NDUFS4: variants seen among roughly 807,000 people sequenced by gnomAD.
NDUFS4 encodes NADH dehydrogenase [ubiquinone] iron-sulfur protein 4, mitochondrial.
NDUFS4 carries 28 observed loss-of-function variants against 24.3 expected under a neutral mutation model. The observed-to-expected ratio is 1.15, with a 90% CI of 0.85 to 1.58. The LOEUF (loss-of-function observed/expected upper bound fraction) is 1.58. NDUFS4 is among the 40% of genes most tolerant of loss of function. The pLI, the probability that NDUFS4 is intolerant of heterozygous loss-of-function variation, is 0.00. For synonymous variants in NDUFS4, 93 were observed against 69.7 expected (o/e 1.34, Z -1.67); for missense variants, 223 against 207.9 (o/e 1.07, Z -0.45).
At chr5:53,666,939 ATAAT>A (rs1462096981) in intron 4 of NDUFS4, among the ~76,000 whole-genome samples, 2 of 151,984 alleles carry the variant, frequency 1.3e-5, no homozygotes, top group African/African-American at 4.8e-5. Flanking sequence ...GTCTCAAAAA[ATAAT>A]AAATAAATAA....
intron 3 of NDUFS4, 143 bp downstream of exon 3, chr5:53,646,548 A>C: frequency 1.2e-6 from 1 of 800,272 alleles, no homozygotes; most frequent in South Asian, 1.5e-5. Context: ...CTGTGCTCAA[A>C]GATACACATT....
rs374180161 is a variant in NDUFS4, at chr5:53,603,484, A to G, written c.131A>G (p.Gln44Arg). 4.8e-5 allele frequency: 78 copies of G among 1,613,890 alleles called. No homozygotes were observed. The highest frequency in any genetic ancestry group is 6.4e-5 in the Non-Finnish European group (75 of 1,179,944). The stretch of plus-strand genomic sequence containing the variant: ...AGGACTTCCACATGGAGATTGGCAC[A>G]GGACCAGACTCAAGACACACAACTC... ...SLRTSTWRLA[Q>R]DQTQDTQLIT... Residue 44 changes from glutamine to arginine, a missense_variant, in exon 2 of 5, where the codon CAG becomes CGG. Coordinates refer to ENST00000296684, the MANE Select transcript of NDUFS4 (RefSeq NM_002495.4).
intron 4 of NDUFS4, among the ~76,000 whole-genome samples, chr5:53,670,764 TACC>T (rs1752643973): frequency 6.6e-6 from 1 of 151,514 alleles, no homozygotes; most frequent in Non-Finnish European, 1.5e-5. Flanking sequence ...CAGGTACTCT[TACC>T]TAGAATGAAT....
intron 1 of NDUFS4, among the ~76,000 whole-genome samples, chr5:53,574,160 A>G (rs1238946229): frequency 6.6e-6 from 1 of 152,154 alleles, no homozygotes; most frequent in East Asian, 1.9e-4. Context: ...CTTTTCATTT[A>G]CCAATCTTAA....
intron 4 of NDUFS4, among the ~76,000 whole-genome samples, chr5:53,670,309 T>C (rs1227590785): frequency 1.1e-5 from 1 of 90,346 alleles, no homozygotes; most frequent in Non-Finnish European, 2.5e-5. Flanking sequence ...AATAATAATC[T>C]AGATCTACAC....
intron 4 of NDUFS4, among the ~76,000 whole-genome samples, chr5:53,659,539 CT>C (rs1200618985): frequency 3.3e-5 from 5 of 152,096 alleles, no homozygotes; most frequent in African/African-American, 1.2e-4. Context: ...ACTATTAGTT[CT>C]GACCTTCACC....
intron 2 of NDUFS4, among the ~76,000 whole-genome samples, chr5:53,619,831 C>T (rs1213511792): frequency 6.6e-6 from 1 of 151,980 alleles, no homozygotes; most frequent in Non-Finnish European, 1.5e-5. Context: ...AATGTATAAT[C>T]TTTCATTGTA....
At chr5:53,613,969 TG>T (rs751334723) in intron 2 of NDUFS4, among the ~76,000 whole-genome samples, 4 of 152,040 alleles carry the variant, frequency 2.6e-5, no homozygotes, top group Non-Finnish European at 5.9e-5. Context: ...TTTACATGTT[TG>T]GAAGATTATT....
chr5:53,683,146 G>T lies in NDUFS4; in HGVS notation c.453G>T (p.Lys151Asn). Residue 151 changes from lysine to asparagine, a missense_variant, in exon 5 of 5, where the codon AAG (lysine) becomes AAT (asparagine). Coordinates refer to ENST00000296684, the MANE Select transcript of NDUFS4 (RefSeq NM_002495.4). ...GGAGCTATGACATTGAAGAGAGGAA[G>T]GTTCCAAAACCCAAGTCCAAGTCTT... ...NGWSYDIEER[K>N]VPKPKSKSYG... 6.2e-7 allele frequency: 1 copy of T among 1,610,440 alleles called. No homozygotes were observed. Among genetic ancestry groups the T allele is most frequent in the Non-Finnish European group, 8.5e-7 (1 of 1,177,026 alleles).
intron 2 of NDUFS4, among the ~76,000 whole-genome samples, chr5:53,615,351 A>G (rs1750810252): frequency 6.6e-6 from 1 of 151,934 alleles, no homozygotes; most frequent in African/African-American, 2.4e-5. Context: ...TGACAATTAT[A>G]TTTTCTTTTT....
rs144126700 is a variant in NDUFS4, at chr5:53,571,209, C to T, written c.98+10449C>T. Among the ~76,000 whole-genome samples the T allele has an allele frequency of 4.3e-3, 662 of 152,284 alleles. 5 individuals are homozygous for T. Among genetic ancestry groups the T allele is most frequent in the African/African-American group, 0.015 (614 of 41,538 alleles). ...TGTACCCATTAGCAGTCGCTTCTCC[C>T]CCAGTCCTAGATAACGACTAACCTT... On this transcript the variant is annotated intron_variant, in intron 1 of 4. Coordinates refer to ENST00000296684, the MANE Select transcript of NDUFS4 (RefSeq NM_002495.4).
chr5:53,641,674 A>G (rs1751707919), intron 2 of NDUFS4, among the ~76,000 whole-genome samples: 4 of 152,180 alleles, frequency 2.6e-5, no homozygotes, highest in African/African-American at 9.6e-5. Flanking sequence ...AAGTAAATAG[A>G]TATGATAATG....
intron 2 of NDUFS4, among the ~76,000 whole-genome samples, chr5:53,613,715 T>A (rs952491532): frequency 3.3e-5 from 5 of 151,928 alleles, no homozygotes; most frequent in African/African-American, 4.8e-5. Context: ...TACTGTTGCT[T>A]AAAATTCTAA....
chr5:53,597,984 T>C (rs1750180082), intron 1 of NDUFS4, among the ~76,000 whole-genome samples: 1 of 152,186 alleles, frequency 6.6e-6, no homozygotes, highest in Non-Finnish European at 1.5e-5. Flanking sequence ...TACAGATGAC[T>C]AATAATCATA....
intron 1 of NDUFS4, among the ~76,000 whole-genome samples, chr5:53,592,696 A>G (rs563998380): frequency 2.6e-5 from 4 of 152,318 alleles, no homozygotes; most frequent in East Asian, 1.9e-4. Flanking sequence ...TCAGTTGACT[A>G]TATTTGAATA....
Position 53,653,160 on chromosome 5 carries a change from G to T in NDUFS4, c.351-5391G>T, listed in dbSNP as rs73754282. Among the ~76,000 whole-genome samples the T allele has an allele frequency of 8.7e-3, 1,313 of 151,708 alleles. 16 individuals are homozygous for T. Among genetic ancestry groups the T allele is most frequent in the African/African-American group, 0.026 (1,092 of 41,364 alleles). On this transcript the variant is annotated intron_variant, in intron 3 of 4. Coordinates refer to ENST00000296684, the MANE Select transcript of NDUFS4 (RefSeq NM_002495.4). ...GACTTCTGTGTTAAATTTTAAAAATGTTTTTTTTGTTAGAAAATTATGAAT... is the reference window on the plus strand; with the variant it reads ...GACTTCTGTGTTAAATTTTAAAAATTTTTTTTTTGTTAGAAAATTATGAAT...
At chr5:53,565,571 C>G (rs1163807859) in intron 1 of NDUFS4, among the ~76,000 whole-genome samples, 1 of 152,196 alleles carries the variant, frequency 6.6e-6, no homozygotes, top group Admixed American at 6.5e-5. Flanking sequence ...CGCAGTGTTT[C>G]TTTTAATACC....
chr5:53,616,337 T>C (rs377457367), intron 2 of NDUFS4, among the ~76,000 whole-genome samples: 32 of 152,244 alleles, frequency 2.1e-4, no homozygotes, highest in African/African-American at 7.7e-4. Context: ...TCATAAATAA[T>C]TATGGTATTT....
Position 53,647,237 on chromosome 5 carries a change from T to A in NDUFS4, c.350+832T>A, listed in dbSNP as rs2636991. Among the ~76,000 whole-genome samples, 10 of 151,834 alleles carry A rather than the reference T, an allele frequency of 6.6e-5. No homozygotes were observed. In the South Asian group the frequency reaches 1.3e-3, roughly 19 times the overall value. On this transcript the variant is annotated intron_variant, in intron 3 of 4. Coordinates refer to ENST00000296684, the MANE Select transcript of NDUFS4 (RefSeq NM_002495.4). ...TTATTTATTATTTTCTTTAGAGATG[T>A]GGTCTTGCCCCCTTGCCCAGGCTGG... is the stretch of plus-strand genomic sequence containing the variant.
Sources: allele counts gnomAD v4.1 joint callset (sites outside exome capture counted in the v4.1 genomes callset), GRCh38; gene constraint gnomAD v4.1.1; transcripts MANE v1.5; gene names NCBI Gene and HGNC (gene_info 2026-07-23, HGNC 2026-07-21).